The following SPOCK3 variants were observed in gnomAD, a reference collection of about 807,000 sequenced individuals.
SPOCK3 encodes the protein testican-3.
Under a neutral mutation model 56.6 loss-of-function variants are expected in SPOCK3, and 30 were observed. That is an observed-to-expected ratio of 0.53 (90% CI 0.40 to 0.72). The LOEUF (loss-of-function observed/expected upper bound fraction) is 0.72. SPOCK3 is among the 30% of genes least tolerant of loss of function. The probability of loss-of-function intolerance (pLI) is 0.00; values close to 1 mark genes in which losing one functional copy is unlikely to be tolerated. For synonymous variants in SPOCK3, 196 were observed against 183.3 expected (o/e 1.07, Z -0.56); for missense variants, 527 against 530.0 (o/e 0.99, Z 0.06).
intron 2 of SPOCK3, among the ~76,000 whole-genome samples, chr4:167,152,740 A>C (rs1248773954): frequency 6.6e-6 from 1 of 152,214 alleles, no homozygotes; most frequent in Non-Finnish European, 1.5e-5. Flanking sequence ...TCAACAAAAC[A>C]AATAAATGAA....
intron 4 of SPOCK3, among the ~76,000 whole-genome samples, chr4:166,998,163 T>C (rs951584964): frequency 2.0e-5 from 3 of 152,200 alleles, no homozygotes; most frequent in African/African-American, 7.2e-5. Flanking sequence ...AAACTAGTGA[T>C]TTATTTATTG....
chr4:167,100,476 T>TTCTC (rs199725725), intron 2 of SPOCK3, among the ~76,000 whole-genome samples: 1 of 147,472 alleles, frequency 6.8e-6, no homozygotes, highest in African/African-American at 2.5e-5. Context: ...CACACCCACA[T>TTCTC]TCTCTCTCTC....
At chr4:166,903,030 G>T (rs1438934440) in intron 5 of SPOCK3, among the ~76,000 whole-genome samples, 2 of 148,834 alleles carry the variant, frequency 1.3e-5, no homozygotes, top group Non-Finnish European at 3.0e-5. Context: ...GCTCCTGTTA[G>T]CTTGCTTCAT....
At chr4:167,111,934 A>AT (rs1186563653) in intron 2 of SPOCK3, among the ~76,000 whole-genome samples, 2 of 151,554 alleles carry the variant, frequency 1.3e-5, no homozygotes, top group East Asian at 2.0e-4. Flanking sequence ...ATTTTTTTCT[A>AT]TTTTTTGTAG....
chr4:166,823,751 G>T (rs2126769485), intron 6 of SPOCK3, among the ~76,000 whole-genome samples: 1 of 152,132 alleles, frequency 6.6e-6, no homozygotes, highest in African/African-American at 2.4e-5. Flanking sequence ...TTATATAAAT[G>T]AGCCAAAGAT....
rs1742604454 is a variant in SPOCK3, at chr4:166,801,617, AGACTCTCAATACATATAG to A, written c.590-9346_590-9329del. 4.6e-5 allele frequency among the ~76,000 whole-genome samples: 7 copies of A among 152,298 alleles called. No homozygotes were observed. The South Asian group carries it at 1.5e-3, about 32-fold the overall frequency. On this transcript the variant is annotated intron_variant, in intron 6 of 10. Transcript: ENST00000357545. The stretch of plus-strand genomic sequence containing the variant: ...TGGATCAAATAATATAAATATTTAA[AGACTCTCAATACATATAG>A]ACAACTCGTTTCTGTAATATACAAA...
At chr4:166,981,544 G>C (rs1412437194) in intron 4 of SPOCK3, among the ~76,000 whole-genome samples, 1 of 152,176 alleles carries the variant, frequency 6.6e-6, no homozygotes, top group African/African-American at 2.4e-5. Context: ...GCTGAGTCCA[G>C]GGTTTTTATG....
At chr4:167,061,262 A>G (rs184975937) in intron 3 of SPOCK3, among the ~76,000 whole-genome samples, 1 of 152,072 alleles carries the variant, frequency 6.6e-6, no homozygotes, top group East Asian at 1.9e-4. Flanking sequence ...ATAAAAATTC[A>G]TTTCCCAAGA....
rs142012797 is a variant in SPOCK3, at chr4:166,754,589, C to A, written c.850G>T (p.Ala284Ser). Residue 284 changes from alanine (A) to serine (S), a missense_variant, in exon 8 of 11, where the codon GCA (alanine) becomes TCA (serine). Transcript: ENST00000357545. The stretch of plus-strand genomic sequence containing the variant: ...TATGTGTCACAAGAATTGAAGAATG[C>A]CTTGGTACACTGTTCATTCTTATCA... ...YLDKNEQCTK[A>S]FFNSCDTYKD... 7.1e-5 allele frequency: 114 copies of A among 1,613,418 alleles called. No individual in the cohort carries two copies. Among genetic ancestry groups the A allele is most frequent in the Non-Finnish European group, 9.5e-5 (112 of 1,179,726 alleles).
intron 8 of SPOCK3, among the ~76,000 whole-genome samples, chr4:166,752,492 C>T (rs1322115841): frequency 6.6e-6 from 1 of 151,182 alleles, no homozygotes; most frequent in African/African-American, 2.4e-5. Context: ...CTCATTCCAT[C>T]CTATTTTTGA....
chr4:166,967,275 T>A, intron 4 of SPOCK3, among the ~76,000 whole-genome samples: 1 of 152,210 alleles, frequency 6.6e-6, no homozygotes, highest in Admixed American at 6.5e-5. Flanking sequence ...GATTGAGCTG[T>A]ACAGCTGGTT....
At chr4:167,231,999 T>G (rs1172828687) in intron 2 of SPOCK3, among the ~76,000 whole-genome samples, 4 of 152,128 alleles carry the variant, frequency 2.6e-5, no homozygotes, top group Non-Finnish European at 5.9e-5. Flanking sequence ...AAATCCTTTT[T>G]AAAATTTATG....
At chr4:167,017,994 G>A (rs1437072406) in intron 3 of SPOCK3, among the ~76,000 whole-genome samples, 3 of 151,808 alleles carry the variant, frequency 2.0e-5, no homozygotes, top group Admixed American at 1.3e-4. Context: ...TCTCACGAAG[G>A]GACTTATTAA....
At chr4:166,868,986 C>A (rs1330991776) in intron 6 of SPOCK3, among the ~76,000 whole-genome samples, 1 of 152,080 alleles carries the variant, frequency 6.6e-6, no homozygotes, top group African/African-American at 2.4e-5. Flanking sequence ...TTTTAAAGAA[C>A]TGTATGCTAA....
chr4:167,051,865 T>C (rs1754239742), intron 3 of SPOCK3, among the ~76,000 whole-genome samples: 1 of 152,328 alleles, frequency 6.6e-6, no homozygotes, highest in South Asian at 2.1e-4. Flanking sequence ...CAGGGTCGGC[T>C]TGTGAAGAAT....
At chr4:167,144,814 G>A (rs141812943) in intron 2 of SPOCK3, among the ~76,000 whole-genome samples, 8 of 151,854 alleles carry the variant, frequency 5.3e-5, no homozygotes, top group Admixed American at 4.0e-4. Flanking sequence ...ACAGGAAGCT[G>A]GAGAAGAGAG....
intron 7 of SPOCK3, among the ~76,000 whole-genome samples, chr4:166,772,919 G>T (rs1333006280): frequency 6.6e-6 from 1 of 152,014 alleles, no homozygotes; most frequent in African/African-American, 2.4e-5. Flanking sequence ...GCTTCCTAAG[G>T]ATAAGACAAT....
chr4:166,985,684 A>T (rs536178311), intron 4 of SPOCK3, among the ~76,000 whole-genome samples: 83 of 152,156 alleles, frequency 5.5e-4, no homozygotes, highest in Non-Finnish European at 1.0e-3. Flanking sequence ...GAACACTAGT[A>T]TTATATAATT....
intron 2 of SPOCK3, among the ~76,000 whole-genome samples, chr4:167,104,012 A>G (rs900410964): frequency 6.6e-6 from 1 of 152,178 alleles, no homozygotes; most frequent in Admixed American, 6.5e-5. Flanking sequence ...AGTATGCAAG[A>G]ATCACAGCAT....
Sources: allele counts gnomAD v4.1 joint callset (sites outside exome capture counted in the v4.1 genomes callset), GRCh38; gene constraint gnomAD v4.1.1; transcripts MANE v1.5; gene names NCBI Gene and HGNC (gene_info 2026-07-23, HGNC 2026-07-21).